Variants in GPR63 observed in about 807,000 individuals in gnomAD.
The protein encoded by GPR63 is G protein-coupled receptor 63.
A neutral mutation model predicts 23.1 loss-of-function variants in GPR63; 12 were observed. The observed-to-expected ratio is 0.52, with a 90% CI of 0.33 to 0.84. The LOEUF (loss-of-function observed/expected upper bound fraction) is 0.84. Ranked by LOEUF, GPR63 falls within the 40% of genes least tolerant of loss-of-function variation. GPR63 has a pLI of 0.02. For missense variants in GPR63, 472 were observed against 515.6 expected, an observed-to-expected ratio of 0.92 and a Z score of 0.82; for synonymous variants, 172 against 191.1, an observed-to-expected ratio of 0.90 and a Z score of 0.82.
intron 1 of GPR63, among the ~76,000 whole-genome samples, chr6:96,818,980 C>G (rs914400074): frequency 6.6e-6 from 1 of 152,188 alleles, no homozygotes; most frequent in South Asian, 2.1e-4. Context: ...CCATCTCACA[C>G]CAGTTAGAAT....
chr6:96,836,439 T>C (rs1774730120), intron 1 of GPR63, among the ~76,000 whole-genome samples: 1 of 152,242 alleles, frequency 6.6e-6, no homozygotes, highest in African/African-American at 2.4e-5. Flanking sequence ...TTTAAAAACA[T>C]ATGGTTTAAA....
At chr6:96,830,424 C>G (rs1774551349) in intron 1 of GPR63, among the ~76,000 whole-genome samples, 1 of 152,232 alleles carries the variant, frequency 6.6e-6, no homozygotes, top group Middle Eastern at 3.4e-3. Context: ...AATATAGTTC[C>G]TTTTATTTGA....
At position 96,799,270 on chromosome 6, in the gene GPR63, ACAG is replaced by A. The variant is rs780976381; in HGVS notation, c.459_461del (p.Cys154del). On this transcript the variant is annotated inframe_deletion, in exon 2 of 2. Transcript: ENST00000229955. ...ACCAGAAAAACATAGCAGATACCCT[ACAG>A]AAGAATTTCCCAAAAATCCATCGGG... 1.2e-6 allele frequency: 2 copies of A among 1,614,048 alleles called. No homozygotes were observed. Among genetic ancestry groups the A allele is most frequent in the Non-Finnish European group, 1.7e-6 (2 of 1,180,020 alleles).
intron 1 of GPR63, among the ~76,000 whole-genome samples, chr6:96,818,588 G>T (rs1040932816): frequency 2.0e-5 from 3 of 152,170 alleles, no homozygotes; most frequent in Non-Finnish European, 4.4e-5. Context: ...AACTGTTTTT[G>T]AAGAGTATTT....
chr6:96,831,004 C>T (rs1007176949), intron 1 of GPR63, among the ~76,000 whole-genome samples: 2 of 152,200 alleles, frequency 1.3e-5, no homozygotes, highest in African/African-American at 4.8e-5. Context: ...TGTGCATACA[C>T]ATATACACAC....
chr6:96,799,468 C>G lies in GPR63; in HGVS notation c.264G>C (p.Met88Ile), dbSNP rs778024067. 3 of 1,614,088 alleles carry G rather than the reference C, an allele frequency of 1.9e-6. No homozygotes were observed. The South Asian group carries it at 3.3e-5, about 18-fold the overall frequency. ...GAAAAGACACAAACAGAATGAATAT[C>G]ATTATAGCAGAAAGGGTGATCTGAA... ...LPLQITLSAIMIFILFVSFLG... is the reference protein window; with the variant it reads ...LPLQITLSAIIIFILFVSFLG... The change falls in exon 2 of 2, where the codon ATG (methionine) becomes ATC (isoleucine). Residue 88 changes from methionine to isoleucine, a missense_variant. Physicochemically the swap from Met to Ile is conservative, Grantham distance 10. Transcript: ENST00000229955.
chr6:96,825,484 C>T (rs1774417891), intron 1 of GPR63, among the ~76,000 whole-genome samples: 4 of 151,790 alleles, frequency 2.6e-5, no homozygotes, highest in Admixed American at 1.3e-4. Context: ...GTGTCTTCTA[C>T]CTACTTAAAA....
chr6:96,830,040 A>G (rs964275253), intron 1 of GPR63, among the ~76,000 whole-genome samples: 2 of 152,210 alleles, frequency 1.3e-5, no homozygotes, highest in African/African-American at 2.4e-5. Flanking sequence ...AAATGAAGCA[A>G]GCATAAAAGT....
At position 96,794,209 on chromosome 6, in the gene GPR63, G is replaced by T. The variant is rs979246778; in HGVS notation, c.*4263C>A. ...ATATGCACAAATAACCATATTTTTC[G>T]ATATTTAAATATTAGAACCCATAAT... On this transcript the variant is annotated 3_prime_UTR_variant, in exon 2 of 2. Transcript: ENST00000229955. The T allele has an allele frequency of 1.3e-5, 2 of 151,606 alleles. No individual in the cohort carries two copies. The highest frequency in any genetic ancestry group is 2.9e-5 in the Non-Finnish European group (2 of 67,844). The allele number at this position is 151,606 out of a possible 1,614,324, so 9.4% of individuals were successfully genotyped here.
chr6:96,835,479 A>G (rs1398532439), intron 1 of GPR63, among the ~76,000 whole-genome samples: 1 of 152,172 alleles, frequency 6.6e-6, no homozygotes, highest in East Asian at 1.9e-4. Flanking sequence ...CCCAAATTAA[A>G]TAAACCATAA....
intron 1 of GPR63, among the ~76,000 whole-genome samples, chr6:96,814,933 C>T (rs1289773594): frequency 6.6e-6 from 1 of 152,162 alleles, no homozygotes; most frequent in Non-Finnish European, 1.5e-5. Context: ...ATTCCATTAT[C>T]CCTTAATCTC....
chr6:96,834,383 T>C (rs1158775658), intron 1 of GPR63, among the ~76,000 whole-genome samples: 1 of 152,126 alleles, frequency 6.6e-6, no homozygotes, highest in African/African-American at 2.4e-5. Context: ...TCCCCGGAAA[T>C]TGAAACTATA....
In GPR63 at chr6:96,799,679, G is replaced by A. The variant is rs772812085; in HGVS notation, c.53C>T (p.Thr18Ile). 2.5e-6 allele frequency: 4 copies of A among 1,614,190 alleles called. No homozygotes were observed. In the South Asian group the frequency reaches 3.3e-5, roughly 13 times the overall value. ...TAFHTGTSNT[T>I]FVVYENTYMN... ...GTAGGTGTTTTCATACACGACAAAT[G>A]TTGTGTTGGATGTCCCGGTATGGAA... The change falls in exon 2 of 2, where the codon ACA becomes ATA. Residue 18 changes from threonine (T) to isoleucine (I), a missense_variant. Physicochemically the swap from Thr to Ile is moderately conservative, Grantham distance 89. Coordinates refer to ENST00000229955, the MANE Select transcript of GPR63 (RefSeq NM_030784.4).
At position 96,799,059 on chromosome 6, in the gene GPR63, G is replaced by A. The variant is rs146501968; in HGVS notation, c.673C>T (p.Arg225Ter). 1.2e-5 allele frequency: 20 copies of A among 1,614,030 alleles called. No homozygotes were observed. The highest frequency in any genetic ancestry group is 4.5e-5 in the East Asian group (2 of 44,894). The change falls in exon 2 of 2, where the codon CGA becomes TGA. Residue 225 changes from arginine to a stop codon, truncating the protein, a stop_gained. Coordinates refer to ENST00000229955, the MANE Select transcript of GPR63 (RefSeq NM_030784.4). LOFTEE classifies it high-confidence loss of function. ...VGNPDLQIPS[R>*]APQCVFGYTT... ...TACCCAAACACACACTGGGGAGCTC[G>A]GGAAGGTATCTGCAGGTCGGGGTTT... is the stretch of plus-strand genomic sequence containing the variant.
In GPR63 at chr6:96,834,546, A is replaced by T. The variant is rs1774672180; in HGVS notation, c.-151+2722T>A. On this transcript the variant is annotated intron_variant, in intron 1 of 1. Transcript: ENST00000229955. Reference sequence around the variant, plus strand: ...AAGGAAACACTAAGAACTCATCCTAAATATACATATGTCATAGTTGCAAAA... The same window carrying T: ...AAGGAAACACTAAGAACTCATCCTATATATACATATGTCATAGTTGCAAAA... Among the ~76,000 whole-genome samples, 3 of 151,746 alleles carry T rather than the reference A, an allele frequency of 2.0e-5. No individual in the cohort carries two copies. In the Admixed American group the frequency reaches 2.0e-4, roughly 10 times the overall value.
rs1484094338 is a variant in GPR63, at chr6:96,798,014, A to G, written c.*458T>C. The G allele has an allele frequency of 6.5e-6, 1 of 154,758 alleles. No individual in the cohort carries two copies. Among genetic ancestry groups the G allele is most frequent in the Non-Finnish European group, 1.4e-5 (1 of 69,516 alleles). The allele number at this position is 154,758 out of a possible 1,614,324, so 9.6% of individuals were successfully genotyped here. A position where few individuals can be genotyped will look rare whatever the true frequency, so the allele number is the denominator to read the frequency against. On this transcript the variant is annotated 3_prime_UTR_variant, in exon 2 of 2. Transcript: ENST00000229955. Reference sequence around the variant, plus strand: ...GCTAACCTTCCTGGGTTAGTTTTTAAAATAAAACTAAATATATATTGATTG... The same window carrying G: ...GCTAACCTTCCTGGGTTAGTTTTTAGAATAAAACTAAATATATATTGATTG...
chr6:96,836,791 G>C (rs935121376), intron 1 of GPR63, among the ~76,000 whole-genome samples: 4 of 152,098 alleles, frequency 2.6e-5, no homozygotes, highest in Non-Finnish European at 5.9e-5. Context: ...AGCGCGAAAG[G>C]ACCTTTCGCT....
intron 1 of GPR63, among the ~76,000 whole-genome samples, chr6:96,804,584 G>A (rs1293163352): frequency 6.6e-6 from 1 of 152,052 alleles, no homozygotes; most frequent in African/African-American, 2.4e-5. Flanking sequence ...GTTTTAAGGT[G>A]ATCATCAAAC....
chr6:96,806,058 C>T (rs1773888691), intron 1 of GPR63, among the ~76,000 whole-genome samples: 1 of 152,196 alleles, frequency 6.6e-6, no homozygotes, highest in South Asian at 2.1e-4. Flanking sequence ...TACCTCAGGG[C>T]TCTGTCAAGT....
Sources: allele counts gnomAD v4.1 joint callset (sites outside exome capture counted in the v4.1 genomes callset), GRCh38; gene constraint gnomAD v4.1.1; transcripts MANE v1.5; gene names NCBI Gene and HGNC (gene_info 2026-07-23, HGNC 2026-07-21).